STOX2: variants seen among roughly 807,000 people sequenced by gnomAD.
STOX2 encodes storkhead box 2, also known as storkhead-box protein 2.
STOX2 carries 28 observed loss-of-function variants against 60.9 expected under a neutral mutation model. That is an observed-to-expected ratio of 0.46 (90% CI 0.34 to 0.63). The LOEUF is 0.63. Ranked by LOEUF, STOX2 falls within the 30% of genes least tolerant of loss-of-function variation. The pLI is 0.01. For synonymous variants in STOX2, 472 were observed against 463.9 expected (o/e 1.02, Z -0.22); for missense variants, 1,024 against 1,187.7 (o/e 0.86, Z 2.03).
chr4:183,877,974 G>C (rs1339950836), intron 1 of STOX2, among the ~76,000 whole-genome samples: 1 of 152,190 alleles, frequency 6.6e-6, no homozygotes, highest in Non-Finnish European at 1.5e-5. Flanking sequence ...ACAGGTGTGA[G>C]CCACAGTACC....
chr4:184,017,234 A>C lies in STOX2; in HGVS notation c.2731A>C (p.Lys911Gln), dbSNP rs1433668018. Residue 911 changes from lysine to glutamine, a missense_variant, in exon 4 of 4, where the codon AAG (lysine) becomes CAG (glutamine). This residue lies in a region of STOX2 where 922 missense variants were observed against 1,058.3 expected (regional missense o/e 0.87). Coordinates refer to ENST00000308497, the MANE Select transcript of STOX2 (RefSeq NM_020225.3). ...GGAGCCCCCGACAAATGAAGCTGAG[A>C]AGCTACAGAAACCTTCCAACTGCTT... ...SAEPPTNEAE[K>Q]LQKPSNCLQA... 6.2e-7 allele frequency: 1 copy of C among 1,606,966 alleles called. No homozygotes were observed. The highest frequency in any genetic ancestry group is 2.2e-5 in the East Asian group (1 of 44,642).
chr4:183,985,428 G>A (rs1004473115), intron 1 of STOX2, among the ~76,000 whole-genome samples: 2 of 152,074 alleles, frequency 1.3e-5, no homozygotes, highest in African/African-American at 4.8e-5. Flanking sequence ...CAGCTGCCTT[G>A]GGTTGAAATC....
At chr4:183,863,746 G>T (rs968431242) in intron 1 of STOX2, among the ~76,000 whole-genome samples, 3 of 152,192 alleles carry the variant, frequency 2.0e-5, no homozygotes, top group African/African-American at 7.2e-5. Context: ...ACATAGAAAA[G>T]AGTCCATTTC....
chr4:183,808,061 C>T (rs1233402647), intron 1 of STOX2, among the ~76,000 whole-genome samples: 1 of 152,244 alleles, frequency 6.6e-6, no homozygotes, highest in African/African-American at 2.4e-5. Flanking sequence ...GTGAAAAGAA[C>T]TGTCCAGTCT....
chr4:183,926,724 A>G (rs563611017), intron 1 of STOX2, among the ~76,000 whole-genome samples: 1 of 152,250 alleles, frequency 6.6e-6, no homozygotes, highest in South Asian at 2.1e-4. Context: ...CCCGGGTTCA[A>G]GCAGTTCTCC....
At chr4:183,978,441 A>G (rs1223895329) in intron 1 of STOX2, among the ~76,000 whole-genome samples, 2 of 152,112 alleles carry the variant, frequency 1.3e-5, no homozygotes, top group Non-Finnish European at 2.9e-5. Flanking sequence ...TTGGTTCTCT[A>G]TTCTGTTCCA....
At chr4:183,807,351 C>T (rs1738926429) in intron 1 of STOX2, among the ~76,000 whole-genome samples, 1 of 146,254 alleles carries the variant, frequency 6.8e-6, no homozygotes, top group African/African-American at 2.5e-5. Context: ...ATTTCCAAAA[C>T]AAATTTTATT....
chr4:183,840,049 TGC>T (rs1375117553), intron 1 of STOX2, among the ~76,000 whole-genome samples: 1 of 151,326 alleles, frequency 6.6e-6, no homozygotes, highest in East Asian at 1.9e-4. Flanking sequence ...TGTGTGTGTG[TGC>T]GCGTGTGTGT....
At chr4:184,005,627 A>G (rs1415454353) in intron 2 of STOX2, among the ~76,000 whole-genome samples, 5 of 152,352 alleles carry the variant, frequency 3.3e-5, no homozygotes, top group Admixed American at 3.3e-4. Context: ...ATCTGAACTC[A>G]TGATGAACTT....
At chr4:183,945,918 T>C (rs567887083) in intron 1 of STOX2, among the ~76,000 whole-genome samples, 1 of 152,340 alleles carries the variant, frequency 6.6e-6, no homozygotes, top group African/African-American at 2.4e-5. Flanking sequence ...ACTTCAGTCA[T>C]GAAATGCTTA....
At chr4:183,855,353 G>A (rs958211474) in intron 1 of STOX2, among the ~76,000 whole-genome samples, 1 of 152,190 alleles carries the variant, frequency 6.6e-6, no homozygotes, top group Non-Finnish European at 1.5e-5. Context: ...TCGTCTTGGG[G>A]GAGTAATGCA....
chr4:183,959,884 G>A (rs1743362197), intron 1 of STOX2, among the ~76,000 whole-genome samples: 2 of 152,036 alleles, frequency 1.3e-5, no homozygotes, highest in African/African-American at 4.8e-5. Flanking sequence ...TCTATTGATT[G>A]GTTATATTGG....
chr4:183,831,452 T>C (rs1739566009), intron 1 of STOX2, among the ~76,000 whole-genome samples: 1 of 151,872 alleles, frequency 6.6e-6, no homozygotes, highest in Non-Finnish European at 1.5e-5. Context: ...ACCATGAACA[T>C]TAGTTCATGA....
chr4:183,968,100 A>T (rs1308616775), intron 1 of STOX2, among the ~76,000 whole-genome samples: 1 of 152,166 alleles, frequency 6.6e-6, no homozygotes, highest in Non-Finnish European at 1.5e-5. Flanking sequence ...TGGCCTCAGG[A>T]TGTGTGTTAG....
chr4:183,929,189 C>T (rs1742338618), intron 1 of STOX2, among the ~76,000 whole-genome samples: 1 of 152,196 alleles, frequency 6.6e-6, no homozygotes, highest in Admixed American at 6.5e-5. Flanking sequence ...CTTGGGGCCT[C>T]CCATTGCTCA....
chr4:183,884,962 T>TGCCTGGGCGTCGCGTCCCCGTC (rs1239712003), intron 1 of STOX2, among the ~76,000 whole-genome samples: 1 of 152,196 alleles, frequency 6.6e-6, no homozygotes, highest in African/African-American at 2.4e-5. Context: ...TACAGCTGTG[T>TGCCTGGGCGTCGCGTCCCCGTC]GCCTGGGCGT....
At chr4:183,887,437 T>G (rs1299463242) in intron 1 of STOX2, among the ~76,000 whole-genome samples, 1 of 152,246 alleles carries the variant, frequency 6.6e-6, no homozygotes, top group African/African-American at 2.4e-5. Context: ...GAAAGGAAAC[T>G]CTTTATTCCC....
chr4:183,863,048 G>A (rs73870927), intron 1 of STOX2, among the ~76,000 whole-genome samples: 80 of 152,272 alleles, frequency 5.3e-4, no homozygotes, highest in African/African-American at 1.8e-3. Flanking sequence ...AGGATCTTCC[G>A]ACCTAAGAAA....
chr4:183,837,695 G>A (rs1285245727), intron 1 of STOX2, among the ~76,000 whole-genome samples: 1 of 152,150 alleles, frequency 6.6e-6, no homozygotes. Flanking sequence ...CTGGCCTCAA[G>A]TGATCCCCCT....
Sources: allele counts gnomAD v4.1 joint callset (sites outside exome capture counted in the v4.1 genomes callset), GRCh38; gene constraint gnomAD v4.1.1; regional missense constraint gnomAD v4.1.1; transcripts MANE v1.5; gene names NCBI Gene and HGNC (gene_info 2026-07-23, HGNC 2026-07-21).